The following ATG16L2 variants were observed in gnomAD, a reference collection of about 807,000 sequenced individuals.
The protein encoded by ATG16L2 is autophagy related 16 like 2, also known as protein Atg16l2.
Under a neutral mutation model 84.7 loss-of-function variants are expected in ATG16L2, and 77 were observed. The ratio of observed to expected loss-of-function variants is 0.91; its 90% CI spans 0.76 to 1.10. ATG16L2 has a LOEUF of 1.10. Among genes scored for constraint, ATG16L2 ranks in the 50% least tolerant of loss-of-function variants. The probability of loss-of-function intolerance (pLI) is 0.00; values close to 1 mark genes in which losing one functional copy is unlikely to be tolerated. For missense variants in ATG16L2, 782 were observed against 817.6 expected (o/e 0.96, Z 0.53); for synonymous variants, 361 against 342.8 (o/e 1.05, Z -0.59).
intron 4 of ATG16L2, 109 bp downstream of exon 4, chr11:72,821,850 C>A: frequency 1.4e-6 from 2 of 1,446,938 alleles, no homozygotes; most frequent in Admixed American, 4.6e-5. Flanking sequence ...TCCCTACGTC[C>A]CCCCGACCCC....
At chr11:72,838,226 A>C (rs940215091) in intron 5 of ATG16L2, 1 of 152,968 alleles carries the variant, frequency 6.5e-6, no homozygotes, top group African/African-American at 2.4e-5. Flanking sequence ...ATTGGTGCTA[A>C]ATTCAGGGCA....
chr11:72,836,903 T>C (rs1481570756), intron 5 of ATG16L2: 2 of 152,572 alleles, frequency 1.3e-5, no homozygotes, highest in Non-Finnish European at 2.9e-5. Context: ...GGTTATTTTT[T>C]AAAAAGGAGG....
chr11:72,835,098 G>A (rs1035604002), intron 5 of ATG16L2, among the ~76,000 whole-genome samples: 7 of 152,236 alleles, frequency 4.6e-5, no homozygotes, highest in African/African-American at 1.4e-4. Flanking sequence ...TTCCTGTGAT[G>A]AAGGAGACCA....
chr11:72,824,743 G>A lies in ATG16L2; in HGVS notation c.897G>A (p.Lys299=), dbSNP rs1860235181. 1.2e-6 allele frequency: 2 copies of A among 1,613,748 alleles called. No homozygotes were observed. The highest frequency in any genetic ancestry group is 1.7e-5 in the Admixed American group (1 of 59,970). Residue 299 remains lysine, a synonymous_variant, in exon 9 of 18, where the codon AAG becomes AAA. Transcript: ENST00000321297. ...DVVKGLLDFK[K]RRGHSIGGAP... ...ACCCACCTTACCCCAGTTTTAAGAA[G>A]AGGAGAGGTCACTCAATTGGGGGAG...
At position 72,826,571 on chromosome 11, in the gene ATG16L2, G is replaced by T. The variant is rs773238415; in HGVS notation, c.1227G>T (p.Val409=). ...TYNQAAQLWK[V]GEAQSKETLS... ...ACCAGGCTGCCCAGCTCTGGAAGGTGGGGGAGGCACAGTCCAAGGTGAGGC... is the reference window on the plus strand; with the variant it reads ...ACCAGGCTGCCCAGCTCTGGAAGGTTGGGGAGGCACAGTCCAAGGTGAGGC... The change falls in exon 12 of 18, where the codon GTG becomes GTT. Residue 409 remains valine, a synonymous_variant. Coordinates refer to ENST00000321297, the MANE Select transcript of ATG16L2 (RefSeq NM_033388.2). The T allele has an allele frequency of 9.9e-6, 16 of 1,614,050 alleles. No homozygotes were observed. In the South Asian group the frequency reaches 1.1e-4, roughly 11 times the overall value.
At chr11:72,816,975 T>TGGTGGAGGTGGTGGGGGG in intron 2 of ATG16L2, 148 bp downstream of exon 2, 1 of 289,204 alleles carries the variant, frequency 3.5e-6, no homozygotes, top group African/African-American at 2.4e-5. Flanking sequence ...GTGGTGGGGG[T>TGGTGGAGGTGGTGGGGGG]GGTGGGGGAG....
intron 3 of ATG16L2, chr11:72,820,078 T>A (rs1317676383): frequency 6.6e-6 from 1 of 152,232 alleles, no homozygotes; most frequent in African/African-American, 2.4e-5. Context: ...TCTCTAGTAG[T>A]TCCACACATC....
rs1007826607 is a variant in ATG16L2, at chr11:72,838,942, C to T, written c.*22-3675C>T. On this transcript the variant is annotated intron_variant, in intron 5 of 5. Transcript: ENST00000534905. ...CTCAGTATCTGAAGCATCCCCAAAA[C>T]CTAATCACTCATCTGTCCAAGGACA... 1.8e-5 allele frequency: 25 copies of T among 1,406,536 alleles called. No homozygotes were observed. In the African/African-American group the frequency reaches 2.7e-4, roughly 15 times the overall value. 87.1% of individuals were successfully genotyped at this position (1,406,536 alleles called of 1,614,324 possible). A position where few individuals can be genotyped will look rare whatever the true frequency, so the allele number is the denominator to read the frequency against.
intron 5 of ATG16L2, chr11:72,841,632 G>C (rs750189689): frequency 2.0e-6 from 3 of 1,522,718 alleles, no homozygotes; most frequent in Admixed American, 2.3e-5. Context: ...CCAGGAAGGA[G>C]AGCCTGGCTG....
chr11:72,840,839 A>G, intron 5 of ATG16L2: 5 of 1,413,170 alleles, frequency 3.5e-6, no homozygotes, highest in Non-Finnish European at 5.0e-6. Flanking sequence ...ATTTGGAAGA[A>G]CTATGCATTC....
Position 72,822,905 on chromosome 11 carries a change from C to G in ATG16L2, c.768C>G (p.Ala256=). The part of the protein sequence containing the change: ...MRERRETLAL[A]PEPEPLEKEA... ...AGAGAAGGGAGACTCTGGCTCTGGCCCCTGAGCCAGAGCCCCTGGAGAAGG... is the reference window on the plus strand; with the variant it reads ...AGAGAAGGGAGACTCTGGCTCTGGCGCCTGAGCCAGAGCCCCTGGAGAAGG... Residue 256 remains alanine, a synonymous_variant, in exon 7 of 18, where the codon GCC becomes GCG. Transcript: ENST00000321297. This position sits in a 1 kb window ranked among gnomAD's most constrained non-coding sequence, Gnocchi z 4.2. The G allele has an allele frequency of 6.3e-7, 1 of 1,579,770 alleles. No homozygotes were observed. Among genetic ancestry groups the G allele is most frequent in the Non-Finnish European group, 8.6e-7 (1 of 1,162,564 alleles).
intron 1 of ATG16L2, chr11:72,815,888 A>G (rs1413225686): frequency 6.6e-6 from 1 of 152,010 alleles, no homozygotes; most frequent in Non-Finnish European, 1.5e-5. Context: ...CAAACCACCA[A>G]CCTCCAGAAT....
chr11:72,834,176 T>G (rs1860667659), downstream of ATG16L2, among the ~76,000 whole-genome samples: 1 of 152,166 alleles, frequency 6.6e-6, no homozygotes, highest in Admixed American at 6.5e-5. Flanking sequence ...ACCTAAAATT[T>G]CTGTAATTTA....
downstream of ATG16L2, among the ~76,000 whole-genome samples, chr11:72,832,154 C>G (rs1296949873): frequency 6.6e-6 from 1 of 152,204 alleles, no homozygotes; most frequent in Non-Finnish European, 1.5e-5. Flanking sequence ...TTGCGTTTCT[C>G]CCTCATTTCA....
rs946466585 is a variant in ATG16L2 at position 72,823,914 on chromosome 11, C to T, written c.825-146C>T. The T allele has an allele frequency of 1.2e-5, 11 of 900,172 alleles. No homozygotes were observed. In the African/African-American group the frequency reaches 1.6e-4, roughly 13 times the overall value. 55.8% of individuals were successfully genotyped at this position (900,172 alleles called of 1,614,324 possible). ...TGGGACTGATCTGGGTCACCCTGGTCTCCTGATCTTGGAGAAGTCAAGTTC... is the reference window on the plus strand; with the variant it reads ...TGGGACTGATCTGGGTCACCCTGGTTTCCTGATCTTGGAGAAGTCAAGTTC... On this transcript the variant is annotated intron_variant, in intron 7 of 17. Transcript: ENST00000321297.
chr11:72,823,011 G>T (rs34696027), intron 7 of ATG16L2, 50 bp downstream of exon 7: 1 of 1,352,318 alleles, frequency 7.4e-7, no homozygotes, highest in Non-Finnish European at 1.0e-6. Context: ...CCCCACCCCA[G>T]AGGCTGCCAG....
Position 72,826,571 on chromosome 11 carries a change from G to A in ATG16L2, c.1227G>A (p.Val409=), listed in dbSNP as rs773238415. 4 of 1,614,050 alleles carry A rather than the reference G, an allele frequency of 2.5e-6. No homozygotes were observed. The highest frequency in any genetic ancestry group is 3.4e-6 in the Non-Finnish European group (4 of 1,180,032). The stretch of plus-strand genomic sequence containing the variant: ...ACCAGGCTGCCCAGCTCTGGAAGGT[G>A]GGGGAGGCACAGTCCAAGGTGAGGC... The part of the protein sequence containing the change: ...TYNQAAQLWK[V]GEAQSKETLS... The change falls in exon 12 of 18, where the codon GTG becomes GTA. Residue 409 remains valine (V), a synonymous_variant. Coordinates refer to ENST00000321297, the MANE Select transcript of ATG16L2 (RefSeq NM_033388.2).
rs1359869521 is a variant in ATG16L2 at position 72,825,313 on chromosome 11, C to T, written c.1008C>T (p.Leu336=). 3 of 1,613,528 alleles carry T rather than the reference C, an allele frequency of 1.9e-6. No individual in the cohort carries two copies. The highest frequency in any genetic ancestry group is 2.5e-6 in the Non-Finnish European group (3 of 1,179,934). ...CCCTTTCCCCACAGGATGCCCACCT[C>T]TCTGAGGTCAATGCTGTTCGTTTTG... ...TRAQDVLDAH[L]SEVNAVRFGP... The change falls in exon 10 of 18, where the codon CTC becomes CTT. Residue 336 remains leucine (L), a synonymous_variant. Coordinates refer to ENST00000321297, the MANE Select transcript of ATG16L2 (RefSeq NM_033388.2).
intron 7 of ATG16L2, chr11:72,823,770 C>CGG (rs775061033): frequency 3.7e-6 from 2 of 537,652 alleles, no homozygotes; most frequent in Non-Finnish European, 7.1e-6. Flanking sequence ...CTGTAGGCCC[C>CGG]GGCTCAGCTT....
Sources: gnomAD v4.1 joint callset for allele counts (sites outside exome capture counted in the v4.1 genomes callset) on GRCh38, gnomAD v4.1.1 for gene constraint, Gnocchi (gnomAD v3.1) non-coding constraint, MANE v1.5 for transcripts, NCBI Gene and HGNC (gene_info 2026-07-23, HGNC 2026-07-21) for gene names.